PTPRK: variants seen among roughly 807,000 people sequenced by gnomAD.
PTPRK encodes receptor-type tyrosine-protein phosphatase kappa.
Under a neutral mutation model 178.0 loss-of-function variants are expected in PTPRK, and 75 were observed. That is an observed-to-expected ratio of 0.42 (90% CI 0.35 to 0.51). The LOEUF is 0.51. Among genes scored for constraint, PTPRK ranks in the 20% least tolerant of loss-of-function variants. The pLI is 0.02. For missense variants in PTPRK, 1,441 were observed against 1,797.8 expected (o/e 0.80, Z 3.59); for synonymous variants, 637 against 620.6 (o/e 1.03, Z -0.39).
chr6:128,053,004 C>T (rs1475906815), intron 13 of PTPRK, among the ~76,000 whole-genome samples: 1 of 151,978 alleles, frequency 6.6e-6, no homozygotes, highest in East Asian at 1.9e-4. Context: ...TTTCCTTGTT[C>T]CAGCCCTGGA....
chr6:128,099,205 T>A (rs1788400350), intron 7 of PTPRK, among the ~76,000 whole-genome samples: 1 of 150,156 alleles, frequency 6.7e-6, no homozygotes, highest in South Asian at 2.1e-4. Flanking sequence ...TATTTTTTCT[T>A]TTTTATCCAA....
chr6:128,171,522 A>G (rs536423606), intron 7 of PTPRK, among the ~76,000 whole-genome samples: 11 of 152,170 alleles, frequency 7.2e-5, no homozygotes, highest in Non-Finnish European at 1.3e-4. Context: ...CCAAGCTGAG[A>G]ATATATTTTT....
chr6:128,005,937 CA>C, intron 14 of PTPRK: 1 of 1,049,076 alleles, frequency 9.5e-7, no homozygotes, highest in South Asian at 2.3e-5. Context: ...GAAATGTCAC[CA>C]AAATTGCAAG....
chr6:128,499,695 A>T (rs1487359916), intron 1 of PTPRK, among the ~76,000 whole-genome samples: 2 of 152,164 alleles, frequency 1.3e-5, no homozygotes, highest in Non-Finnish European at 2.9e-5. Context: ...CACAGTTAGA[A>T]ATTCTTTTTG....
rs770893725 is a variant in PTPRK, at chr6:128,240,147, T to C, written c.581A>G (p.Lys194Arg). 3 of 1,607,298 alleles carry C rather than the reference T, an allele frequency of 1.9e-6. No individual in the cohort carries two copies. In the East Asian group the frequency reaches 6.7e-5, roughly 36 times the overall value. Reference sequence around the variant, plus strand: ...CCCTAGACGGAGGAAATGAGGAGATTTATCTGTGAAGGAAGGGAAAAAAAA... The same window carrying C: ...CCCTAGACGGAGGAAATGAGGAGATCTATCTGTGAAGGAAGGGAAAAAAAA... Reference protein sequence around the residue: ...DIQVLSYPCDKSPHFLRLGDV... With the variant: ...DIQVLSYPCDRSPHFLRLGDV... Residue 194 changes from lysine (K) to arginine (R), a missense_variant, in exon 5 of 30, where the codon AAA (lysine) becomes AGA (arginine). This residue lies in a region of PTPRK where 945 missense variants were observed against 1,080.6 expected (regional missense o/e 0.87). Coordinates refer to ENST00000368226, the MANE Select transcript of PTPRK (RefSeq NM_002844.4).
chr6:128,491,721 T>C (rs1562630253), intron 1 of PTPRK: 1 of 501,308 alleles, frequency 2.0e-6, no homozygotes, highest in Non-Finnish European at 4.0e-6. Context: ...TCATTTTTTT[T>C]CTCTTGTTAC....
At chr6:128,194,062 ATATATTAT>A (rs943217874) in intron 6 of PTPRK, among the ~76,000 whole-genome samples, 1 of 131,048 alleles carries the variant, frequency 7.6e-6, no homozygotes, top group African/African-American at 3.0e-5. Context: ...ATATTTATAT[ATATATTAT>A]TATTATTATT....
At chr6:128,147,986 A>AG (rs1289954230) in intron 7 of PTPRK, among the ~76,000 whole-genome samples, 1 of 151,378 alleles carries the variant, frequency 6.6e-6, no homozygotes, top group African/African-American at 2.4e-5. Context: ...AATGTGATGG[A>AG]GAAAAAAAAA....
chr6:128,112,816 T>C (rs4895830), intron 7 of PTPRK, among the ~76,000 whole-genome samples: 14,261 of 152,152 alleles, frequency 0.094, 1,189 homozygotes, highest in African/African-American at 0.21. Flanking sequence ...GCTTTCACTT[T>C]GTTGGTGAAT....
intron 1 of PTPRK, among the ~76,000 whole-genome samples, chr6:128,474,145 C>T (rs1851078250): frequency 6.6e-6 from 1 of 151,638 alleles, no homozygotes; most frequent in Non-Finnish European, 1.5e-5. Flanking sequence ...CCTTGAGTCT[C>T]CTAATTCAAA....
At chr6:128,409,983 A>G (rs541499581) in intron 1 of PTPRK, among the ~76,000 whole-genome samples, 2 of 152,312 alleles carry the variant, frequency 1.3e-5, no homozygotes, top group African/African-American at 2.4e-5. Flanking sequence ...ACTAAGAAAA[A>G]TAAGAAAATA....
At chr6:127,991,503 C>T in intron 19 of PTPRK, 112 bp from the exon 20 acceptor site, 2 of 604,820 alleles carry the variant, frequency 3.3e-6, no homozygotes, top group Non-Finnish European at 5.1e-6. Context: ...AAAGGTCTAA[C>T]ACAAAATGTC....
rs533150000 is a variant in PTPRK, at chr6:128,313,468, T to C, written c.495+8571A>G. On this transcript the variant is annotated intron_variant, in intron 3 of 29. Transcript: ENST00000368226. Reference sequence around the variant, plus strand: ...CAAGGAGAAGGGAGAGACCACTGAGTGCAGAGGTATTAAGCAAAGGCTACG... The same window carrying C: ...CAAGGAGAAGGGAGAGACCACTGAGCGCAGAGGTATTAAGCAAAGGCTACG... 7.2e-5 allele frequency among the ~76,000 whole-genome samples: 11 copies of C among 152,012 alleles called. No homozygotes were observed. The East Asian group carries it at 1.7e-3, about 24-fold the overall frequency.
At chr6:128,073,176 A>C (rs1783142064) in intron 11 of PTPRK, among the ~76,000 whole-genome samples, 1 of 152,062 alleles carries the variant, frequency 6.6e-6, no homozygotes, top group Non-Finnish European at 1.5e-5. Context: ...GATCCAGTTC[A>C]TTTGTTCACC....
intron 27 of PTPRK, among the ~76,000 whole-genome samples, chr6:127,974,851 G>A (rs1774345775): frequency 6.6e-6 from 1 of 152,106 alleles, no homozygotes; most frequent in Admixed American, 6.6e-5. Context: ...GTAGAACTTT[G>A]CATAATACTT....
At chr6:128,323,885 G>A (rs373979326) in intron 2 of PTPRK, among the ~76,000 whole-genome samples, 1 of 151,408 alleles carries the variant, frequency 6.6e-6, no homozygotes, top group East Asian at 1.9e-4. Context: ...CACATTAATA[G>A]AATAAACTGT....
intron 2 of PTPRK, among the ~76,000 whole-genome samples, chr6:128,389,042 A>G (rs1219387263): frequency 6.6e-6 from 1 of 152,158 alleles, no homozygotes; most frequent in Non-Finnish European, 1.5e-5. Flanking sequence ...AGAAAAAGCA[A>G]GCCAGCGTCT....
intron 3 of PTPRK, among the ~76,000 whole-genome samples, chr6:128,258,029 T>C (rs1243500527): frequency 6.6e-6 from 1 of 152,108 alleles, no homozygotes; most frequent in East Asian, 1.9e-4. Flanking sequence ...GGCCAGAATA[T>C]ATTTTATTCA....
At chr6:128,055,080 C>T (rs1384432662) in intron 13 of PTPRK, among the ~76,000 whole-genome samples, 4 of 152,154 alleles carry the variant, frequency 2.6e-5, no homozygotes, top group African/African-American at 9.7e-5. Context: ...ATCCATCTTT[C>T]TCTTTCCATA....
Sources: gnomAD v4.1 joint callset for allele counts (sites outside exome capture counted in the v4.1 genomes callset) on GRCh38, gnomAD v4.1.1 for gene constraint, gnomAD v4.1.1 regional missense constraint, MANE v1.5 for transcripts, NCBI Gene and HGNC (gene_info 2026-07-23, HGNC 2026-07-21) for gene names.